The following XKR9 variants were observed in gnomAD, a reference collection of about 807,000 sequenced individuals.
XKR9 encodes the protein XK related 9.
A neutral mutation model predicts 32.0 loss-of-function variants in XKR9; 32 were observed. That is an observed-to-expected ratio of 1.00 (90% CI 0.76 to 1.34). The LOEUF (loss-of-function observed/expected upper bound fraction) is 1.34, where lower values mean the gene tolerates loss of function less well. Among genes scored for constraint, XKR9 ranks in the 40% most tolerant of loss-of-function variants. The pLI, the probability that XKR9 is intolerant of heterozygous loss-of-function variation, is 0.00. For synonymous variants in XKR9, 168 were observed against 143.4 expected (o/e 1.17, Z -1.22); for missense variants, 546 against 429.7 (o/e 1.27, Z -2.39).
the XKR9 span, among the ~76,000 whole-genome samples, chr8:70,849,633 A>G: frequency 2.0e-5 from 3 of 152,162 alleles, no homozygotes; most frequent in Non-Finnish European, 4.4e-5. Flanking sequence ...AACTGAAGGA[A>G]ATAGAGACAC....
the XKR9 span, among the ~76,000 whole-genome samples, chr8:71,003,287 T>C: frequency 6.9e-6 from 1 of 145,274 alleles, no homozygotes; most frequent in Non-Finnish European, 1.6e-5. Flanking sequence ...CAAAGGCAAA[T>C]ACTTGCAAAT....
At chr8:70,755,362 G>T (rs1183912169) in intron 2 of XKR9, among the ~76,000 whole-genome samples, 1 of 152,064 alleles carries the variant, frequency 6.6e-6, no homozygotes, top group Non-Finnish European at 1.5e-5. Flanking sequence ...GATTCCTCAG[G>T]GATCTAGAAC....
At chr8:71,026,656 T>C in the XKR9 span, among the ~76,000 whole-genome samples, 8 of 152,268 alleles carry the variant, frequency 5.3e-5, no homozygotes, top group Non-Finnish European at 8.8e-5. Context: ...TAAACAATTA[T>C]ACAAGCAATG....
chr8:71,046,911 A>G, the XKR9 span, among the ~76,000 whole-genome samples: 4 of 152,206 alleles, frequency 2.6e-5, no homozygotes, highest in Non-Finnish European at 5.9e-5. Flanking sequence ...GTAACTTTGT[A>G]TAAAAACTAT....
chr8:70,928,099 G>A, the XKR9 span, among the ~76,000 whole-genome samples: 134 of 152,320 alleles, frequency 8.8e-4, 3 homozygotes, highest in South Asian at 8.7e-3. Context: ...CTGGAGTGCA[G>A]TAGAGTAATT....
the XKR9 span, among the ~76,000 whole-genome samples, chr8:70,966,912 G>A: frequency 2.0e-5 from 3 of 151,998 alleles, no homozygotes; most frequent in Admixed American, 6.6e-5. Flanking sequence ...TTGGTTTAAA[G>A]TCTGTTTTGT....
the XKR9 span, among the ~76,000 whole-genome samples, chr8:70,813,535 C>G: frequency 1.3e-5 from 2 of 152,010 alleles, no homozygotes; most frequent in Non-Finnish European, 2.9e-5. Flanking sequence ...TTTTTGCAAC[C>G]TACTCATCTG....
intron 3 of XKR9, among the ~76,000 whole-genome samples, chr8:70,696,046 A>G (rs1385981658): frequency 6.8e-6 from 1 of 147,918 alleles, no homozygotes; most frequent in Non-Finnish European, 1.5e-5. Flanking sequence ...TTTTTCTTGT[A>G]AATTTGTTTG....
chr8:70,675,213 GGTCA>G (rs1245423318), intron 2 of XKR9, among the ~76,000 whole-genome samples: 1 of 152,136 alleles, frequency 6.6e-6, no homozygotes, highest in East Asian at 1.9e-4. Context: ...GGTCACTTGA[GGTCA>G]GGATTCGAAA....
At chr8:70,811,876 G>T in the XKR9 span, among the ~76,000 whole-genome samples, 705 of 152,070 alleles carry the variant, frequency 4.6e-3, 3 homozygotes, top group Non-Finnish European at 8.1e-3. Context: ...GGAGGAACTG[G>T]TACCATTCCT....
chr8:70,705,761 A>T (rs1009029029), intron 3 of XKR9, among the ~76,000 whole-genome samples: 19 of 152,296 alleles, frequency 1.2e-4, no homozygotes, highest in Admixed American at 9.2e-4. Context: ...AATTATGTTT[A>T]AAAAGTTTAA....
At chr8:70,847,302 G>T in the XKR9 span, among the ~76,000 whole-genome samples, 3 of 151,892 alleles carry the variant, frequency 2.0e-5, no homozygotes, top group Non-Finnish European at 2.9e-5. Flanking sequence ...AAATGAAAAT[G>T]GAAACACAAT....
intron 3 of XKR9, among the ~76,000 whole-genome samples, chr8:70,685,304 A>G (rs1586811776): frequency 7.6e-6 from 1 of 131,242 alleles, no homozygotes; most frequent in Admixed American, 8.7e-5. Context: ...ATGAGAACAC[A>G]TGGACACAGG....
the XKR9 span, among the ~76,000 whole-genome samples, chr8:70,898,427 A>G: frequency 2.6e-5 from 4 of 152,146 alleles, no homozygotes; most frequent in Non-Finnish European, 4.4e-5. Flanking sequence ...TATACATTTT[A>G]GGATTGATTT....
chr8:71,054,834 G>C, the XKR9 span, among the ~76,000 whole-genome samples: 1 of 152,138 alleles, frequency 6.6e-6, no homozygotes, highest in South Asian at 2.1e-4. Flanking sequence ...CTGCGCAGGT[G>C]TTGCTAAAGT....
At chr8:70,887,502 A>G in the XKR9 span, among the ~76,000 whole-genome samples, 5 of 152,162 alleles carry the variant, frequency 3.3e-5, no homozygotes, top group African/African-American at 1.2e-4. Context: ...TTGAATCTAT[A>G]TACTACTTTG....
At chr8:71,015,886 A>G in the XKR9 span, among the ~76,000 whole-genome samples, 11 of 152,198 alleles carry the variant, frequency 7.2e-5, no homozygotes, top group African/African-American at 2.7e-4. Flanking sequence ...AATCAAAAAT[A>G]CTTTACAATG....
chr8:70,687,991 A>C (rs1325324961), intron 3 of XKR9, among the ~76,000 whole-genome samples: 3 of 152,182 alleles, frequency 2.0e-5, no homozygotes, highest in African/African-American at 7.2e-5. Context: ...GTACAGTTTT[A>C]CTGATTTTAT....
At chr8:71,029,108 G>A in the XKR9 span, among the ~76,000 whole-genome samples, 1 of 152,088 alleles carries the variant, frequency 6.6e-6, no homozygotes, top group East Asian at 1.9e-4. Flanking sequence ...CAGCAGGAAC[G>A]GGCACTGATG....
Sources: gnomAD v4.1 joint callset for allele counts (sites outside exome capture counted in the v4.1 genomes callset) on GRCh38, gnomAD v4.1.1 for gene constraint, MANE v1.5 for transcripts, NCBI Gene and HGNC (gene_info 2026-07-23, HGNC 2026-07-21) for gene names.